EFCAB6: variants seen among roughly 807,000 people sequenced by gnomAD.
EFCAB6 encodes the protein EF-hand calcium-binding domain-containing protein 6.
Under a neutral mutation model 169.8 loss-of-function variants are expected in EFCAB6, and 156 were observed. The observed-to-expected ratio is 0.92, with a 90% CI of 0.81 to 1.05. The LOEUF is 1.05. EFCAB6 is among the 50% of genes least tolerant of loss of function. The pLI is 0.00. For missense variants in EFCAB6, 1,800 were observed against 1,829.1 expected, an observed-to-expected ratio of 0.98 and a Z score of 0.29; for synonymous variants, 698 against 676.4, an observed-to-expected ratio of 1.03 and a Z score of -0.50.
chr22:43,704,735 A>G (rs1309932143), intron 10 of EFCAB6, among the ~76,000 whole-genome samples: 1 of 152,192 alleles, frequency 6.6e-6, no homozygotes, highest in African/African-American at 2.4e-5. Context: ...CATGGTAACA[A>G]CAAAACAAAA....
chr22:43,535,451 G>A (rs1180566863), intron 29 of EFCAB6: 1 of 152,306 alleles, frequency 6.6e-6, no homozygotes, highest in Non-Finnish European at 1.5e-5. Flanking sequence ...TGCAGCCTCA[G>A]GGGCTGAGTC....
chr22:43,688,010 C>T (rs562736967), intron 10 of EFCAB6, among the ~76,000 whole-genome samples: 20 of 152,258 alleles, frequency 1.3e-4, no homozygotes, highest in African/African-American at 3.6e-4. Context: ...TGGTGGAGGG[C>T]GGATCTGGAG....
intron 2 of EFCAB6, among the ~76,000 whole-genome samples, chr22:43,784,395 A>G (rs1313365788): frequency 6.6e-6 from 1 of 150,802 alleles, no homozygotes; most frequent in Non-Finnish European, 1.5e-5. Context: ...TCATGCCTGC[A>G]ATCTCAGTGC....
intron 6 of EFCAB6, among the ~76,000 whole-genome samples, chr22:43,740,213 C>A (rs2060319445): frequency 6.6e-6 from 1 of 152,154 alleles, no homozygotes; most frequent in Non-Finnish European, 1.5e-5. Context: ...GGACTCCTCA[C>A]CCCCAATCCT....
intron 17 of EFCAB6, 123 bp downstream of exon 17, chr22:43,666,981 G>T: frequency 1.7e-6 from 2 of 1,204,826 alleles, no homozygotes; most frequent in Non-Finnish European, 2.2e-6. Context: ...TTAAATTGTT[G>T]AAAGATGCCT....
At chr22:43,583,353 G>A (rs1487976731) in intron 24 of EFCAB6, among the ~76,000 whole-genome samples, 3 of 151,298 alleles carry the variant, frequency 2.0e-5, no homozygotes, top group African/African-American at 4.9e-5. Flanking sequence ...TCTCTCCATT[G>A]TAATAATCTT....
At chr22:43,726,218 A>G (rs970872037) in intron 8 of EFCAB6, among the ~76,000 whole-genome samples, 2 of 151,432 alleles carry the variant, frequency 1.3e-5, no homozygotes, top group African/African-American at 4.9e-5. Flanking sequence ...TGTATCCTAG[A>G]ACTTACCTTC....
intron 13 of EFCAB6, among the ~76,000 whole-genome samples, chr22:43,673,498 A>T (rs1448230342): frequency 2.0e-5 from 3 of 152,220 alleles, no homozygotes; most frequent in Non-Finnish European, 4.4e-5. Flanking sequence ...ATAGCAGGCC[A>T]GGCACAGTGG....
intron 6 of EFCAB6, among the ~76,000 whole-genome samples, chr22:43,755,410 T>C (rs2060920170): frequency 6.6e-6 from 1 of 152,266 alleles, no homozygotes; most frequent in African/African-American, 2.4e-5. Context: ...TTGATTGGCA[T>C]TGACTGCTGC....
rs11285899 is a variant in EFCAB6 at position 43,772,641 on chromosome 22, CAAAAAAAA to C, written c.351+243_351+250del. Among the ~76,000 whole-genome samples the C allele has an allele frequency of 9.2e-5, 11 of 120,188 alleles. No homozygotes were observed. In the Admixed American group the frequency reaches 9.2e-4, roughly 10 times the overall value. The allele number at this position is 120,188 out of a possible 152,430, so 78.8% of individuals were successfully genotyped here. ...GGGCAACAAGAGTGAAATTCTGTCTCAAAAAAAAAAAAAAAAAGAAAGAAAGAAATGAA... is the reference window on the plus strand; with the variant it reads ...GGGCAACAAGAGTGAAATTCTGTCTCAAAAAAAAAGAAAGAAAGAAATGAA... On this transcript the variant is annotated intron_variant, in intron 4 of 31. Transcript: ENST00000262726.
chr22:43,751,336 G>A (rs929674843), intron 6 of EFCAB6, among the ~76,000 whole-genome samples: 7 of 152,204 alleles, frequency 4.6e-5, no homozygotes, highest in African/African-American at 1.7e-4. Flanking sequence ...GGTAAGATGG[G>A]ATTTTCTTCC....
rs575281225 is a variant in EFCAB6 at position 43,678,713 on chromosome 22, C to T, written c.1252-550G>A. Among the ~76,000 whole-genome samples, 22 of 152,048 alleles carry T rather than the reference C, an allele frequency of 1.4e-4. No homozygotes were observed. In the South Asian group the frequency reaches 2.7e-3, roughly 19 times the overall value. ...AGAAAACATATTATGAGCAAAATAC[C>T]GTGAGAAAAAATTTCTTCCCCCAGA... On this transcript the variant is annotated intron_variant, in intron 12 of 31. Transcript: ENST00000262726.
intron 17 of EFCAB6, among the ~76,000 whole-genome samples, chr22:43,664,856 G>A (rs2057172079): frequency 1.3e-5 from 2 of 152,226 alleles, no homozygotes; most frequent in South Asian, 4.2e-4. Flanking sequence ...CTGAGGGGTC[G>A]CTCTGGCTGC....
chr22:43,735,477 C>T (rs528547825), intron 7 of EFCAB6, among the ~76,000 whole-genome samples: 12 of 152,108 alleles, frequency 7.9e-5, no homozygotes, highest in African/African-American at 2.2e-4. Flanking sequence ...TCATTCTTCT[C>T]CTAACCCCAG....
chr22:43,690,860 A>G (rs1439901531), intron 10 of EFCAB6, among the ~76,000 whole-genome samples: 1 of 151,870 alleles, frequency 6.6e-6, no homozygotes, highest in Non-Finnish European at 1.5e-5. Flanking sequence ...TCAATGCAAT[A>G]ACTGTTTCTT....
intron 10 of EFCAB6, among the ~76,000 whole-genome samples, chr22:43,693,525 G>A (rs1427140829): frequency 6.8e-6 from 1 of 147,758 alleles, no homozygotes; most frequent in East Asian, 2.0e-4. Context: ...TAAGTGCTAT[G>A]GGGCATCCTA....
intron 17 of EFCAB6, among the ~76,000 whole-genome samples, chr22:43,665,610 G>A (rs2057211496): frequency 6.6e-6 from 1 of 152,202 alleles, no homozygotes. Flanking sequence ...CACGGGCAGG[G>A]ATGGATGGAG....
At chr22:43,780,750 T>A (rs545460907) in intron 3 of EFCAB6, among the ~76,000 whole-genome samples, 1 of 152,264 alleles carries the variant, frequency 6.6e-6, no homozygotes, top group South Asian at 2.1e-4. Flanking sequence ...CACACGGTTG[T>A]TGGAAACAGT....
At position 43,667,550 on chromosome 22, in the gene EFCAB6, G is replaced by A. The variant is rs949645644; in HGVS notation, c.1815-278C>T. 4.6e-5 allele frequency among the ~76,000 whole-genome samples: 7 copies of A among 152,138 alleles called. No homozygotes were observed. In the East Asian group the frequency reaches 9.6e-4, roughly 21 times the overall value. On this transcript the variant is annotated intron_variant, in intron 16 of 31. Coordinates refer to ENST00000262726, the MANE Select transcript of EFCAB6 (RefSeq NM_022785.4). ...GGAACTTGCAGGGAGAGAATATTAT[G>A]GTCCTCGAGATTTTCAGTTATGCTT...
Sources: gnomAD v4.1 joint callset for allele counts (sites outside exome capture counted in the v4.1 genomes callset) on GRCh38, gnomAD v4.1.1 for gene constraint, MANE v1.5 for transcripts, NCBI Gene and HGNC (gene_info 2026-07-23, HGNC 2026-07-21) for gene names.